JADE2: variants seen among roughly 807,000 people sequenced by gnomAD.
JADE2 encodes E3 ubiquitin-protein ligase Jade-2.
Under a neutral mutation model 85.7 loss-of-function variants are expected in JADE2, and 13 were observed. That is an observed-to-expected ratio of 0.15 (90% confidence interval 0.10 to 0.24). JADE2 has a LOEUF of 0.24. Among genes scored for constraint, JADE2 ranks in the 10% least tolerant of loss-of-function variants. JADE2 has a pLI of 1.00. For missense variants in JADE2, 846 were observed against 1,115.9 expected, an observed-to-expected ratio of 0.76 and a Z score of 3.45; for synonymous variants, 440 against 456.1, an observed-to-expected ratio of 0.96 and a Z score of 0.45.
chr5:134,573,363 G>A (rs143715486), intron 9 of JADE2, among the ~76,000 whole-genome samples: 97 of 152,306 alleles, frequency 6.4e-4, no homozygotes, highest in Non-Finnish European at 4.7e-4. Context: ...TGGGCATGCC[G>A]GGTTGACCTA....
chr5:134,555,227 C>T (rs1005915342), intron 4 of JADE2, among the ~76,000 whole-genome samples: 2 of 152,220 alleles, frequency 1.3e-5, no homozygotes, highest in Non-Finnish European at 2.9e-5. Context: ...ACTTGTCTCG[C>T]CCCTCTCCAG....
chr5:134,568,149 C>G (rs893119313), intron 9 of JADE2, among the ~76,000 whole-genome samples: 24 of 152,190 alleles, frequency 1.6e-4, no homozygotes, highest in Admixed American at 1.5e-3. Context: ...CTGGGTTGTC[C>G]AGGGAGGTCA....
intron 9 of JADE2, among the ~76,000 whole-genome samples, chr5:134,569,055 C>T (rs895403625): frequency 2.0e-5 from 3 of 152,260 alleles, no homozygotes; most frequent in African/African-American, 7.2e-5. Flanking sequence ...GTTTCAGTTT[C>T]TACTTCTCTG....
chr5:134,575,914 G>T (rs918037262), intron 10 of JADE2, among the ~76,000 whole-genome samples: 2 of 150,394 alleles, frequency 1.3e-5, no homozygotes, highest in Admixed American at 6.6e-5. Context: ...TAAATAAACA[G>T]ATGTGGCCAG....
intron 3 of JADE2, among the ~76,000 whole-genome samples, chr5:134,543,087 T>C (rs1053531755): frequency 1.4e-5 from 2 of 147,638 alleles, no homozygotes; most frequent in Non-Finnish European, 3.0e-5. Context: ...CAGGTTGGAG[T>C]GGAGTGGTGT....
chr5:134,539,267 G>A (rs1414821224), intron 3 of JADE2, among the ~76,000 whole-genome samples: 3 of 152,096 alleles, frequency 2.0e-5, no homozygotes, highest in South Asian at 2.1e-4. Context: ...GTTTCACCGT[G>A]TTAGCCAGGA....
intron 9 of JADE2, among the ~76,000 whole-genome samples, chr5:134,569,780 C>T (rs1040214391): frequency 1.3e-5 from 2 of 152,158 alleles, no homozygotes; most frequent in African/African-American, 2.4e-5. Context: ...GGATGGTGGT[C>T]CCTTTGGCCT....
At position 134,580,755 on chromosome 5, in the gene JADE2, T is replaced by A. The variant is rs1310950399; in HGVS notation, c.*1438T>A. Reference sequence around the variant, plus strand: ...ACAACTTGTCATTTGGACTTTTTTTTAAATGGAGTTCTTTAGCAACAAAGT... The same window carrying A: ...ACAACTTGTCATTTGGACTTTTTTTAAAATGGAGTTCTTTAGCAACAAAGT... On this transcript the variant is annotated 3_prime_UTR_variant, in exon 12 of 12. Transcript: ENST00000681547. 6.6e-6 allele frequency: 1 copy of A among 152,540 alleles called. No homozygotes were observed. The highest frequency in any genetic ancestry group is 2.4e-5 in the African/African-American group (1 of 41,420). 9.4% of individuals were successfully genotyped at this position (152,540 alleles called of 1,614,324 possible). A position where few individuals can be genotyped will look rare whatever the true frequency, so the allele number is the denominator to read the frequency against.
At chr5:134,547,087 C>G (rs1762338592) in intron 3 of JADE2, among the ~76,000 whole-genome samples, 1 of 152,236 alleles carries the variant, frequency 6.6e-6, no homozygotes, top group African/African-American at 2.4e-5. Flanking sequence ...CACTCATGCT[C>G]TGCTTTCTTG....
rs1561772664 is a variant in JADE2 at position 134,580,424 on chromosome 5, A to AAC, written c.*1107_*1108insAC. The AAC allele has an allele frequency of 1.1e-4, 2 of 18,064 alleles. No individual in the cohort carries two copies. Among genetic ancestry groups the AAC allele is most frequent in the Non-Finnish European group, 3.6e-4 (2 of 5,600 alleles). The allele number at this position is 18,064 out of a possible 1,614,324, so 1.1% of individuals were successfully genotyped here. Reference sequence around the variant, plus strand: ...CTGAGCCTTAACCCCTCGCACAGCCATCCCCCCCCCCGTCCTGCCATCCCC... The same window carrying AAC: ...CTGAGCCTTAACCCCTCGCACAGCCAACTCCCCCCCCCCGTCCTGCCATCCCC... On this transcript the variant is annotated 3_prime_UTR_variant, in exon 12 of 12. Coordinates refer to ENST00000681547, the MANE Select transcript of JADE2 (RefSeq NM_001388185.1).
chr5:134,562,158 T>C lies in JADE2; in HGVS notation c.685-42T>C. The stretch of plus-strand genomic sequence containing the variant: ...AGCTGACTGCTGACCAGACACAGAT[T>C]GGCCAGTTCCGCTGACTCATGACCA... On this transcript the variant is annotated intron_variant, in intron 6 of 11. Transcript: ENST00000681547. The surrounding 1 kb of genome is among the most constrained non-coding windows in gnomAD (Gnocchi z 4.6). 6.4e-7 allele frequency: 1 copy of C among 1,555,256 alleles called. No individual in the cohort carries two copies. The highest frequency in any genetic ancestry group is 8.7e-7 in the Non-Finnish European group (1 of 1,146,596).
At chr5:134,561,103 C>T (rs925750896) in intron 6 of JADE2, 146 bp downstream of exon 6, 3 of 701,498 alleles carry the variant, frequency 4.3e-6, no homozygotes, top group Non-Finnish European at 7.1e-6. Context: ...TTCATGGTAC[C>T]ATGTGCACCC....
intron 1 of JADE2, among the ~76,000 whole-genome samples, chr5:134,528,617 A>G (rs759635875): frequency 1.3e-5 from 2 of 152,118 alleles, no homozygotes; most frequent in Non-Finnish European, 2.9e-5. Flanking sequence ...AGAGGAAGGG[A>G]TGTTTGTTTG....
intron 9 of JADE2, among the ~76,000 whole-genome samples, chr5:134,568,245 C>T (rs369622363): frequency 2.0e-3 from 309 of 152,330 alleles, no homozygotes; most frequent in African/African-American, 7.2e-3. Context: ...GATGAGGAAA[C>T]TGGGGCTCGG....
At chr5:134,548,162 AG>A (rs1225695739) in intron 3 of JADE2, among the ~76,000 whole-genome samples, 1 of 152,214 alleles carries the variant, frequency 6.6e-6, no homozygotes, top group East Asian at 1.9e-4. Context: ...AGGACAGTGG[AG>A]AGCGACTGGA....
chr5:134,525,862 C>T lies in JADE2; in HGVS notation c.-150C>T. 1.0e-6 allele frequency: 1 copy of T among 989,366 alleles called. No homozygotes were observed. The highest frequency in any genetic ancestry group is 4.6e-5 in the South Asian group (1 of 21,918). The allele number at this position is 989,366 out of a possible 1,614,324, so 61.3% of individuals were successfully genotyped here. A position where few individuals can be genotyped will look rare whatever the true frequency, so the allele number is the denominator to read the frequency against. ...TGGGACGCCGCGGGCCCGGCCGCCTCCCTCGCCGCGACCCCGGATGGATGC... is the reference window on the plus strand; with the variant it reads ...TGGGACGCCGCGGGCCCGGCCGCCTTCCTCGCCGCGACCCCGGATGGATGC... On this transcript the variant is annotated 5_prime_UTR_variant, in exon 1 of 12. Transcript: ENST00000681547.
At chr5:134,561,093 T>C in intron 6 of JADE2, 136 bp downstream of exon 6, 1 of 739,816 alleles carries the variant, frequency 1.4e-6, no homozygotes, top group Non-Finnish European at 2.2e-6. Flanking sequence ...GTGAGGATGC[T>C]TCATGGTACC....
chr5:134,533,736 C>CTTTTT (rs70976536), intron 1 of JADE2: 14 of 112,764 alleles, frequency 1.2e-4, no homozygotes, highest in Non-Finnish European at 1.7e-4. Flanking sequence ...CACACTCTCT[C>CTTTTT]TTTTTTTTTT....
In JADE2 at chr5:134,583,040, G is replaced by T. The variant is rs563397160; in HGVS notation, c.*3723G>T. The T allele has an allele frequency of 2.0e-5, 3 of 152,756 alleles. No individual in the cohort carries two copies. The East Asian group carries it at 5.8e-4, about 29-fold the overall frequency. The allele number at this position is 152,756 out of a possible 1,614,324, so 9.5% of individuals were successfully genotyped here. On this transcript the variant is annotated 3_prime_UTR_variant, in exon 12 of 12. Transcript: ENST00000681547. The stretch of plus-strand genomic sequence containing the variant: ...AGCAATAGAATGTATGGTCACCTGG[G>T]TGTGGCCAGTGCCCGCTGTGCCCTG...
Sources: allele counts gnomAD v4.1 joint callset (sites outside exome capture counted in the v4.1 genomes callset), GRCh38; gene constraint gnomAD v4.1.1; non-coding constraint Gnocchi (gnomAD v3.1); transcripts MANE v1.5; gene names NCBI Gene and HGNC (gene_info 2026-07-23, HGNC 2026-07-21).